The following HSD17B12 variants were observed in gnomAD, a reference collection of about 807,000 sequenced individuals.
HSD17B12 encodes the protein hydroxysteroid 17-beta dehydrogenase 12.
HSD17B12 carries 32 observed loss-of-function variants against 39.3 expected under a neutral mutation model. That is an observed-to-expected ratio of 0.81 (90% confidence interval 0.61 to 1.09). The LOEUF (loss-of-function observed/expected upper bound fraction) is 1.09, where lower values mean the gene tolerates loss of function less well. HSD17B12 is among the 50% of genes least tolerant of loss of function. The pLI, the probability that HSD17B12 is intolerant of heterozygous loss-of-function variation, is 0.00. For synonymous variants in HSD17B12, 150 were observed against 146.7 expected (o/e 1.02, Z -0.16); for missense variants, 342 against 382.9 (o/e 0.89, Z 0.89).
At chr11:43,604,758 A>T in the HSD17B12 span, among the ~76,000 whole-genome samples, 2 of 152,170 alleles carry the variant, frequency 1.3e-5, no homozygotes, top group Non-Finnish European at 2.9e-5. Flanking sequence ...TAGTTATGTG[A>T]CCTTCCTTCT....
intron 4 of HSD17B12, among the ~76,000 whole-genome samples, chr11:43,803,490 A>T (rs1950990138): frequency 6.6e-6 from 1 of 152,230 alleles, no homozygotes; most frequent in Non-Finnish European, 1.5e-5. Flanking sequence ...TTTTCTACCA[A>T]GTTTTAATGA....
At chr11:43,719,627 A>AAT (rs35534978) in intron 1 of HSD17B12, among the ~76,000 whole-genome samples, 115 of 130,406 alleles carry the variant, frequency 8.8e-4, no homozygotes, top group East Asian at 4.5e-3. Flanking sequence ...AAAAAAAAAA[A>AAT]ATATATATAT....
Position 43,838,364 on chromosome 11 carries a change from C to G in HSD17B12, c.584C>G (p.Pro195Arg), listed in dbSNP as rs200454058. 65 of 1,613,080 alleles carry G rather than the reference C, an allele frequency of 4.0e-5. No individual in the cohort carries two copies. The highest frequency in any genetic ancestry group is 6.8e-6 in the Non-Finnish European group (8 of 1,179,326). Reference protein sequence around the residue: ...LNISSGSGMLPVPLLTIYSAT... With the variant: ...LNISSGSGMLRVPLLTIYSAT... ...ATTTCATCTGGCAGTGGCATGCTCC[C>G]TGTCCCACTCTTGACCATCTATTCT... Residue 195 changes from proline to arginine, a missense_variant, in exon 8 of 11, where the codon CCT becomes CGT. Pro to Arg is a moderately radical substitution (Grantham distance 103). Transcript: ENST00000278353.
intron 9 of HSD17B12, among the ~76,000 whole-genome samples, chr11:43,842,868 AACAG>A (rs963548813): frequency 1.2e-4 from 19 of 152,228 alleles, no homozygotes; most frequent in African/African-American, 4.1e-4. Flanking sequence ...AGGCCTTGTG[AACAG>A]ACAATCAATT....
chr11:43,805,593 G>T (rs1448644978), intron 4 of HSD17B12, among the ~76,000 whole-genome samples: 1 of 152,164 alleles, frequency 6.6e-6, no homozygotes, highest in African/African-American at 2.4e-5. Context: ...GAAGAGCAGA[G>T]GCTATTATTC....
intron 3 of HSD17B12, among the ~76,000 whole-genome samples, chr11:43,778,603 C>G (rs1228959617): frequency 6.6e-6 from 1 of 151,104 alleles, no homozygotes; most frequent in African/African-American, 2.4e-5. Flanking sequence ...ACTGGCAAAC[C>G]AAATCCAGCA....
chr11:43,831,581 T>G lies in HSD17B12; in HGVS notation c.536+571T>G, dbSNP rs1371268106. ...TTTTGATTGAGAAATATGTTGTAGA[T>G]TTCTGTTATCTGAAATAGCATGAAG... On this transcript the variant is annotated intron_variant, in intron 7 of 10. Transcript: ENST00000278353. This position sits in a 1 kb window ranked among gnomAD's most constrained non-coding sequence, Gnocchi z 4.1. The G allele has an allele frequency of 2.0e-5, 3 of 152,234 alleles. No individual in the cohort carries two copies. The highest frequency in any genetic ancestry group is 4.4e-5 in the Non-Finnish European group (3 of 68,044). The allele number at this position is 152,234 out of a possible 1,614,324, so 9.4% of individuals were successfully genotyped here. A position where few individuals can be genotyped will look rare whatever the true frequency, so the allele number is the denominator to read the frequency against.
the HSD17B12 span, among the ~76,000 whole-genome samples, chr11:43,572,040 A>T: frequency 6.6e-6 from 1 of 152,322 alleles, no homozygotes; most frequent in South Asian, 2.1e-4. Context: ...CTCAAGGTGC[A>T]TGTAGACTTT....
chr11:43,814,302 A>G (rs1212601645), intron 4 of HSD17B12, among the ~76,000 whole-genome samples: 1 of 152,060 alleles, frequency 6.6e-6, no homozygotes, highest in African/African-American at 2.4e-5. Flanking sequence ...CAATTTTTTT[A>G]ACTGCTGTGA....
In HSD17B12 at chr11:43,700,503, G is replaced by C. The variant is rs181654847; in HGVS notation, c.160+19516G>C. 1.3e-3 allele frequency among the ~76,000 whole-genome samples: 202 copies of C among 151,748 alleles called. 2 individuals carry two copies. Among genetic ancestry groups the C allele is most frequent in the African/African-American group, 4.7e-3 (194 of 41,328 alleles). On this transcript the variant is annotated intron_variant, in intron 1 of 10. Transcript: ENST00000278353. ...TCCCAGCCCCCCACTACCCTTCCTA[G>C]CTTCTAGTAACCATCCTTCTACTGT... is the stretch of plus-strand genomic sequence containing the variant.
intron 1 of HSD17B12, chr11:43,681,249 G>T: frequency 1.1e-6 from 1 of 934,334 alleles, no homozygotes. Context: ...GGAGAAAACT[G>T]CCTTAAGTCT....
At chr11:43,811,728 A>G (rs1214476590) in intron 4 of HSD17B12, among the ~76,000 whole-genome samples, 5 of 152,148 alleles carry the variant, frequency 3.3e-5, no homozygotes, top group Non-Finnish European at 5.9e-5. Context: ...GGAACATTAA[A>G]AGACCTCTCT....
chr11:43,593,117 T>C, the HSD17B12 span, among the ~76,000 whole-genome samples: 1 of 152,202 alleles, frequency 6.6e-6, no homozygotes. Flanking sequence ...GTTTACATAT[T>C]TGCACACACA....
intron 1 of HSD17B12, among the ~76,000 whole-genome samples, chr11:43,720,907 A>G (rs1011785520): frequency 6.6e-6 from 1 of 152,148 alleles, no homozygotes; most frequent in Admixed American, 6.6e-5. Flanking sequence ...AGAAGGTTAT[A>G]TATCAGGTCT....
chr11:43,803,782 T>TA (rs201191033), intron 4 of HSD17B12, among the ~76,000 whole-genome samples: 192 of 151,608 alleles, frequency 1.3e-3, no homozygotes, highest in African/African-American at 4.2e-3. Context: ...CTCCGTTACT[T>TA]AAAAAAAAAC....
intron 9 of HSD17B12, among the ~76,000 whole-genome samples, chr11:43,840,460 C>G (rs1951414836): frequency 6.6e-6 from 1 of 151,976 alleles, no homozygotes; most frequent in African/African-American, 2.4e-5. Context: ...ACATATCGTG[C>G]AACCATTGTC....
chr11:43,680,960 GT>G lies in HSD17B12; in HGVS notation c.134del (p.Val45AlafsTer26). The G allele has an allele frequency of 6.2e-7, 1 of 1,608,486 alleles. No individual in the cohort carries two copies. The highest frequency in any genetic ancestry group is 8.5e-7 in the Non-Finnish European group (1 of 1,176,318). ...RVWGVGNEAG[V>X]GPGLGEWAVV... ...CTGGGGAGTGGGGAATGAGGCGGGG[GT>G]CGGCCCGGGGCTCGGAGAATGGGCA... On this transcript the variant is annotated frameshift_variant, in exon 1 of 11. Coordinates refer to ENST00000278353, the MANE Select transcript of HSD17B12 (RefSeq NM_016142.3). LOFTEE classifies it high-confidence loss of function.
intron 1 of HSD17B12, among the ~76,000 whole-genome samples, chr11:43,700,342 C>G (rs957752060): frequency 6.6e-6 from 1 of 152,034 alleles, no homozygotes; most frequent in Non-Finnish European, 1.5e-5. Flanking sequence ...TCCCCTCAAC[C>G]TTTTATCTTT....
At chr11:43,667,192 C>T in the HSD17B12 span, among the ~76,000 whole-genome samples, 6,219 of 152,178 alleles carry the variant, frequency 0.041, 397 homozygotes, top group African/African-American at 0.14. Context: ...CACTCTATGG[C>T]CCAGGCTGGA....
Sources: allele counts gnomAD v4.1 joint callset (sites outside exome capture counted in the v4.1 genomes callset), GRCh38; gene constraint gnomAD v4.1.1; non-coding constraint Gnocchi (gnomAD v3.1); transcripts MANE v1.5; gene names NCBI Gene and HGNC (gene_info 2026-07-23, HGNC 2026-07-21).